Variants in ADGB observed in about 807,000 individuals in gnomAD.
ADGB encodes the protein androglobin, also known as calpain-7-like protein.
ADGB carries 172 observed loss-of-function variants against 210.5 expected under a neutral mutation model. The observed-to-expected ratio is 0.82, with a 90% CI of 0.72 to 0.93. ADGB has a LOEUF of 0.93. ADGB is among the 40% of genes least tolerant of loss of function. The pLI is 0.00. For synonymous variants in ADGB, 658 were observed against 662.7 expected, an observed-to-expected ratio of 0.99 and a Z score of 0.11; for missense variants, 2,025 against 1,964.8, an observed-to-expected ratio of 1.03 and a Z score of -0.58.
chr6:146,717,160 T>C (rs1382890607), intron 15 of ADGB, 91 bp downstream of exon 15: 2 of 1,129,138 alleles, frequency 1.8e-6, no homozygotes, highest in African/African-American at 3.2e-5. Context: ...GATTTATTTT[T>C]GCATATTTAA....
chr6:146,741,510 A>G (rs1315612935), intron 25 of ADGB, among the ~76,000 whole-genome samples: 1 of 152,198 alleles, frequency 6.6e-6, no homozygotes, highest in Non-Finnish European at 1.5e-5. Flanking sequence ...ATATGACAAA[A>G]AGAAAGCATT....
chr6:146,808,350 C>T (rs1247601423), intron 35 of ADGB, among the ~76,000 whole-genome samples: 2 of 152,098 alleles, frequency 1.3e-5, no homozygotes, highest in African/African-American at 4.8e-5. Context: ...CTTCATAGAC[C>T]AAGAACTACC....
chr6:146,684,545 G>A (rs898841753), intron 9 of ADGB, among the ~76,000 whole-genome samples: 8 of 152,034 alleles, frequency 5.3e-5, no homozygotes, highest in African/African-American at 1.9e-4. Context: ...TGCATGAAAA[G>A]TATTTTCATA....
chr6:146,633,671 G>T (rs1409071627), intron 1 of ADGB, among the ~76,000 whole-genome samples: 1 of 151,858 alleles, frequency 6.6e-6, no homozygotes, highest in Admixed American at 6.6e-5. Flanking sequence ...TTTAAATATT[G>T]CCTTACTATA....
chr6:146,788,548 G>A lies in ADGB; in HGVS notation c.4475G>A (p.Ser1492Asn). The A allele has an allele frequency of 6.4e-7, 1 of 1,551,668 alleles. No individual in the cohort carries two copies. The change falls in exon 33 of 36, where the codon AGT (serine) becomes AAT (asparagine). Residue 1492 changes from serine (S) to asparagine (N), a missense_variant. Transcript: ENST00000397944. ...RDVAKSTSSE[S>N]GGVSSPGKEE... ...GTGGCAAAATCCACGAGTAGCGAAA[G>A]TGGAGGAGTGTCTTCACCAGGGAAA...
intron 14 of ADGB, among the ~76,000 whole-genome samples, chr6:146,716,252 C>T (rs1776731369): frequency 6.6e-6 from 1 of 152,014 alleles, no homozygotes; most frequent in Admixed American, 6.6e-5. Context: ...AGCAGATTTT[C>T]AGTAAAGAAT....
intron 25 of ADGB, among the ~76,000 whole-genome samples, chr6:146,745,672 G>A (rs2114603995): frequency 6.6e-6 from 1 of 152,202 alleles, no homozygotes; most frequent in African/African-American, 2.4e-5. Context: ...TTGTAGTTAA[G>A]CACTTTATTT....
rs931054926 is a variant in ADGB, at chr6:146,649,425, A to G, written c.330+4560A>G. ...AAATAACTAGCAAAGGCAAACAAAC[A>G]TAAAACTTACCTAGACAAAAATGTA... On this transcript the variant is annotated intron_variant, in intron 3 of 35. Coordinates refer to ENST00000397944, the MANE Select transcript of ADGB (RefSeq NM_024694.4). Among the ~76,000 whole-genome samples, 28 of 152,112 alleles carry G rather than the reference A, an allele frequency of 1.8e-4. 1 individual carries two copies. The highest frequency in any genetic ancestry group is 5.3e-4 in the African/African-American group (22 of 41,452).
intron 26 of ADGB, among the ~76,000 whole-genome samples, chr6:146,748,036 A>G (rs9403811): frequency 0.49 from 74,973 of 151,628 alleles, 19,853 homozygotes; most frequent in African/African-American, 0.68. Flanking sequence ...CACCTGTCTC[A>G]GCCTCCCAAA....
intron 27 of ADGB, among the ~76,000 whole-genome samples, chr6:146,753,192 A>G (rs1297460154): frequency 6.6e-6 from 1 of 152,080 alleles, no homozygotes; most frequent in African/African-American, 2.4e-5. Context: ...TTCTGACTGT[A>G]AAAATCACAC....
chr6:146,721,563 C>CATGCAATAATAAGATTTTTAGAGGCGGGG, intron 17 of ADGB, 58 bp downstream of exon 17: 2 of 282,146 alleles, frequency 7.1e-6, no homozygotes, highest in African/African-American at 4.8e-4. Flanking sequence ...CAGGCTAGGG[C>CATGCAATAATAAGATTTTTAGAGGCGGGG]GTGGTGGCTC....
intron 23 of ADGB, among the ~76,000 whole-genome samples, chr6:146,740,229 A>C (rs142344962): frequency 2.0e-5 from 3 of 152,258 alleles, no homozygotes; most frequent in Non-Finnish European, 4.4e-5. Context: ...AGAGCCTCAG[A>C]TAACCTTGGG....
At chr6:146,668,694 A>G (rs947029614) in intron 7 of ADGB, among the ~76,000 whole-genome samples, 1 of 152,126 alleles carries the variant, frequency 6.6e-6, no homozygotes, top group Non-Finnish European at 1.5e-5. Context: ...CAGTAGAGAT[A>G]CCAGAGACAG....
intron 1 of ADGB, among the ~76,000 whole-genome samples, chr6:146,610,564 T>A (rs367758200): frequency 2.6e-5 from 4 of 152,198 alleles, no homozygotes; most frequent in African/African-American, 9.7e-5. Context: ...ATAGTATAAG[T>A]TGAATTTAGT....
intron 33 of ADGB, among the ~76,000 whole-genome samples, chr6:146,793,801 C>T (rs1048978301): frequency 1.3e-5 from 2 of 152,080 alleles, no homozygotes; most frequent in Admixed American, 6.5e-5. Context: ...CTATCCCTGA[C>T]TGGTTAGTGT....
chr6:146,750,817 A>AT (rs1346554391), intron 26 of ADGB, among the ~76,000 whole-genome samples: 2 of 152,106 alleles, frequency 1.3e-5, no homozygotes, highest in African/African-American at 4.8e-5. Flanking sequence ...ATTTCTCTGT[A>AT]TTTTTGTGAT....
In ADGB at chr6:146,764,112, A is replaced by T; in HGVS notation, c.3750+12A>T. 1.3e-6 allele frequency: 2 copies of T among 1,518,250 alleles called. No individual in the cohort carries two copies. Among genetic ancestry groups the T allele is most frequent in the Non-Finnish European group, 1.8e-6 (2 of 1,131,148 alleles). 94.0% of individuals were successfully genotyped at this position (1,518,250 alleles called of 1,614,324 possible). A position where few individuals can be genotyped will look rare whatever the true frequency, so the allele number is the denominator to read the frequency against. On this transcript the variant is annotated intron_variant, in intron 28 of 35. Coordinates refer to ENST00000397944, the MANE Select transcript of ADGB (RefSeq NM_024694.4). The stretch of plus-strand genomic sequence containing the variant: ...GCACACCACTGCAGGTATATTAAAA[A>T]CAATTGTTCAATTGGACTGTTCCTA...
chr6:146,637,425 A>G (rs1181536359), intron 2 of ADGB, among the ~76,000 whole-genome samples: 2 of 152,002 alleles, frequency 1.3e-5, no homozygotes, highest in African/African-American at 4.8e-5. Flanking sequence ...CTCCTAAACT[A>G]TGTATGAAGG....
intron 13 of ADGB, among the ~76,000 whole-genome samples, chr6:146,704,639 C>T (rs116386338): frequency 0.017 from 2,547 of 151,996 alleles, 73 homozygotes; most frequent in African/African-American, 0.058. Flanking sequence ...TACTCTGTTC[C>T]ATTGGTCTAT....
Sources: allele counts gnomAD v4.1 joint callset (sites outside exome capture counted in the v4.1 genomes callset), GRCh38; gene constraint gnomAD v4.1.1; transcripts MANE v1.5; gene names NCBI Gene and HGNC (gene_info 2026-07-23, HGNC 2026-07-21).